Variants in FSTL5 observed in about 807,000 individuals in gnomAD.
FSTL5 encodes follistatin-related protein 5.
In FSTL5, 62 loss-of-function variants were observed where a neutral mutation model predicts 89.1. The observed-to-expected ratio is 0.70, with a 90% confidence interval of 0.57 to 0.86. The LOEUF (loss-of-function observed/expected upper bound fraction) is 0.86, where lower values mean the gene tolerates loss of function less well. FSTL5 is among the 40% of genes least tolerant of loss of function. FSTL5 has a pLI of 0.00. For synonymous variants in FSTL5, 383 were observed against 346.2 expected, an observed-to-expected ratio of 1.11 and a Z score of -1.18; for missense variants, 1,057 against 1,001.6, an observed-to-expected ratio of 1.06 and a Z score of -0.75.
chr4:161,849,301 G>C (rs1036309837), intron 4 of FSTL5, among the ~76,000 whole-genome samples: 1 of 151,820 alleles, frequency 6.6e-6, no homozygotes, highest in African/African-American at 2.4e-5. Context: ...ACATCCTGTG[G>C]TATCAGTTGG....
At chr4:161,485,661 T>C (rs1334706177) in intron 12 of FSTL5, among the ~76,000 whole-genome samples, 1 of 152,196 alleles carries the variant, frequency 6.6e-6, no homozygotes, top group Non-Finnish European at 1.5e-5. Flanking sequence ...ACTGAGTAGT[T>C]CTATACAACA....
intron 15 of FSTL5, among the ~76,000 whole-genome samples, chr4:161,437,402 T>A (rs2126356912): frequency 6.6e-6 from 1 of 151,472 alleles, no homozygotes; most frequent in Middle Eastern, 3.4e-3. Flanking sequence ...CCGTCTCTAC[T>A]GAAAAATACA....
At chr4:161,529,113 A>G (rs1195479112) in intron 10 of FSTL5, among the ~76,000 whole-genome samples, 2 of 143,278 alleles carry the variant, frequency 1.4e-5, no homozygotes, top group Admixed American at 1.5e-4. Context: ...TGTTGTGTAG[A>G]CAATAAAGAT....
At chr4:161,594,649 A>G (rs938574633) in intron 7 of FSTL5, among the ~76,000 whole-genome samples, 12 of 152,138 alleles carry the variant, frequency 7.9e-5, no homozygotes, top group African/African-American at 2.9e-4. Context: ...TCTAAATGGA[A>G]TTAAAATATT....
intron 2 of FSTL5, among the ~76,000 whole-genome samples, chr4:162,091,208 A>G (rs1730536155): frequency 6.6e-6 from 1 of 152,118 alleles, no homozygotes; most frequent in South Asian, 2.1e-4. Flanking sequence ...GGATCATCCT[A>G]TATGCTCCAT....
intron 1 of FSTL5, among the ~76,000 whole-genome samples, chr4:162,124,909 T>C (rs1271127144): frequency 6.6e-6 from 1 of 152,188 alleles, no homozygotes; most frequent in African/African-American, 2.4e-5. Context: ...TTCACCGTGT[T>C]AGCCAGGATG....
intron 4 of FSTL5, among the ~76,000 whole-genome samples, chr4:161,882,891 G>A (rs1436297198): frequency 6.6e-6 from 1 of 151,978 alleles, no homozygotes; most frequent in East Asian, 1.9e-4. Flanking sequence ...GGAAGATAAT[G>A]GTTAAATGAT....
At chr4:161,656,567 T>C in intron 6 of FSTL5, 73 bp from the exon 7 acceptor site, 1 of 870,534 alleles carries the variant, frequency 1.1e-6, no homozygotes, top group East Asian at 3.0e-5. Context: ...AATTTCTGAA[T>C]ACTAGTAATT....
intron 6 of FSTL5, among the ~76,000 whole-genome samples, chr4:161,682,396 C>T (rs909958887): frequency 6.6e-6 from 1 of 152,056 alleles, no homozygotes; most frequent in Non-Finnish European, 1.5e-5. Context: ...AACTTTTTAC[C>T]TCTTTCGTAA....
rs1271591555 is a variant in FSTL5, at chr4:162,008,458, AT to A, written c.160+25166del. On this transcript the variant is annotated intron_variant, in intron 3 of 15. Transcript: ENST00000306100. ...GAAATACTGCTATTTAATAAAGGAT[AT>A]TTATTTGATTAAGGAGGATGCAATA... 7.2e-5 allele frequency among the ~76,000 whole-genome samples: 11 copies of A among 151,988 alleles called. No individual in the cohort carries two copies. In the East Asian group the frequency reaches 2.1e-3, roughly 29 times the overall value.
At chr4:161,452,966 C>T (rs73861533) in intron 15 of FSTL5, among the ~76,000 whole-genome samples, 1,608 of 152,246 alleles carry the variant, frequency 0.011, 29 homozygotes, top group African/African-American at 0.036. Flanking sequence ...TTAGTATTAG[C>T]TCCAACTCCA....
intron 11 of FSTL5, among the ~76,000 whole-genome samples, chr4:161,507,650 G>GA (rs35791315): frequency 0.017 from 2,571 of 151,874 alleles, 66 homozygotes; most frequent in African/African-American, 0.058. Flanking sequence ...AAGATGAGTA[G>GA]AAAGCTGAAA....
At chr4:161,716,839 AATGAG>A (rs1246919998) in intron 6 of FSTL5, among the ~76,000 whole-genome samples, 2 of 152,156 alleles carry the variant, frequency 1.3e-5, no homozygotes, top group Non-Finnish European at 2.9e-5. Context: ...AACATGAATG[AATGAG>A]ATGATTGCTG....
rs1218655213 is a variant in FSTL5 at position 161,926,777 on chromosome 4, T to C, written c.161-6125A>G. Among the ~76,000 whole-genome samples the C allele has an allele frequency of 2.0e-5, 3 of 151,862 alleles. No homozygotes were observed. In the East Asian group the frequency reaches 5.8e-4, roughly 29 times the overall value. On this transcript the variant is annotated intron_variant, in intron 3 of 15. Coordinates refer to ENST00000306100, the MANE Select transcript of FSTL5 (RefSeq NM_020116.5). ...AAGTTCTATCTAAAGCGGTGATTTCTCTTATTATCTTAATATCTCCATCCC... is the reference window on the plus strand; with the variant it reads ...AAGTTCTATCTAAAGCGGTGATTTCCCTTATTATCTTAATATCTCCATCCC...
intron 10 of FSTL5, among the ~76,000 whole-genome samples, chr4:161,524,421 A>T (rs72685720): frequency 5.3e-5 from 8 of 152,082 alleles, no homozygotes; most frequent in Non-Finnish European, 7.4e-5. Context: ...GCTGTGTCAC[A>T]GCCATGGTCA....
At chr4:162,030,922 T>C (rs1383045181) in intron 3 of FSTL5, among the ~76,000 whole-genome samples, 3 of 152,172 alleles carry the variant, frequency 2.0e-5, no homozygotes, top group Non-Finnish European at 2.9e-5. Flanking sequence ...TTATTCTAGG[T>C]ATGTTCCTCA....
chr4:161,644,860 T>C (rs1016913982), intron 7 of FSTL5, among the ~76,000 whole-genome samples: 2 of 152,134 alleles, frequency 1.3e-5, no homozygotes, highest in Non-Finnish European at 2.9e-5. Context: ...CTAAGGCAGC[T>C]ACAGTGGAAA....
chr4:161,584,319 C>G (rs952031442), intron 8 of FSTL5, among the ~76,000 whole-genome samples: 10 of 152,194 alleles, frequency 6.6e-5, no homozygotes, highest in Non-Finnish European at 1.0e-4. Context: ...CCCAAACAGT[C>G]TGTCTTTCTC....
At position 162,118,463 on chromosome 4, in the gene FSTL5, A is replaced by G. The variant is rs375409213; in HGVS notation, c.-16-7051T>C. ...TTTTTAGTAGAGACGGGGTTTCGCC[A>G]TGTTAGCCAGGATGGTCTCGATCTC... On this transcript the variant is annotated intron_variant, in intron 1 of 15. Coordinates refer to ENST00000306100, the MANE Select transcript of FSTL5 (RefSeq NM_020116.5). Among the ~76,000 whole-genome samples, 63 of 152,192 alleles carry G rather than the reference A, an allele frequency of 4.1e-4. No homozygotes were observed. The East Asian group carries it at 0.011, about 26-fold the overall frequency.
Sources: allele counts gnomAD v4.1 joint callset (sites outside exome capture counted in the v4.1 genomes callset), GRCh38; gene constraint gnomAD v4.1.1; transcripts MANE v1.5; gene names NCBI Gene and HGNC (gene_info 2026-07-23, HGNC 2026-07-21).